Variants in NRG3 observed in about 807,000 individuals in gnomAD.
NRG3 encodes the protein neuregulin 3, also known as pro-neuregulin-3, membrane-bound isoform.
NRG3 carries 31 observed loss-of-function variants against 66.9 expected under a neutral mutation model. That is an observed-to-expected ratio of 0.46 (90% CI 0.35 to 0.63). The LOEUF (loss-of-function observed/expected upper bound fraction) is 0.63, where lower values mean the gene tolerates loss of function less well. Among genes scored for constraint, NRG3 ranks in the 20% least tolerant of loss-of-function variants. The probability of loss-of-function intolerance (pLI) is 0.00; values close to 1 mark genes in which losing one functional copy is unlikely to be tolerated. For synonymous variants in NRG3, 393 were observed against 359.4 expected (o/e 1.09, Z -1.06); for missense variants, 910 against 878.9 (o/e 1.04, Z -0.45).
intron 2 of NRG3, among the ~76,000 whole-genome samples, chr10:82,620,109 T>G (rs2048940067): frequency 6.6e-6 from 1 of 152,118 alleles, no homozygotes; most frequent in African/African-American, 2.4e-5. Flanking sequence ...GGTGCCTAGG[T>G]GGGGGTGCCT....
chr10:81,897,264 G>T (rs1010191747), intron 1 of NRG3, among the ~76,000 whole-genome samples: 28 of 152,078 alleles, frequency 1.8e-4, no homozygotes, highest in Admixed American at 3.3e-4. Flanking sequence ...ACTTGATTTT[G>T]TTGTAATGGA....
chr10:82,936,441 G>A (rs769985825), intron 4 of NRG3, among the ~76,000 whole-genome samples: 2 of 152,258 alleles, frequency 1.3e-5, no homozygotes, highest in Non-Finnish European at 2.9e-5. Context: ...GTTATGAGAG[G>A]CCATAGGGTT....
chr10:82,732,802 C>G (rs1455332958), intron 2 of NRG3, among the ~76,000 whole-genome samples: 2 of 152,196 alleles, frequency 1.3e-5, no homozygotes, highest in South Asian at 4.1e-4. Context: ...ACCACCTTGC[C>G]TCTCAAATGT....
intron 4 of NRG3, among the ~76,000 whole-genome samples, chr10:82,898,491 A>C (rs896615334): frequency 2.0e-5 from 3 of 152,110 alleles, no homozygotes; most frequent in Non-Finnish European, 4.4e-5. Context: ...CTGACTACAC[A>C]AAAGTAGATG....
intron 4 of NRG3, among the ~76,000 whole-genome samples, chr10:82,927,806 G>C (rs548461908): frequency 1.3e-5 from 2 of 152,138 alleles, no homozygotes; most frequent in Non-Finnish European, 2.9e-5. Flanking sequence ...ATAAACATAC[G>C]TGTGCGTGTG....
intron 2 of NRG3, among the ~76,000 whole-genome samples, chr10:82,691,728 T>G (rs989849863): frequency 6.6e-6 from 1 of 152,308 alleles, no homozygotes; most frequent in East Asian, 1.9e-4. Flanking sequence ...GGCATGGTAC[T>G]TGCACTGTCT....
rs113057897 is a variant in NRG3, at chr10:82,449,897, G to C, written c.953+91029G>C. ...CTCACAGTCTGATGGGAGAGAGATAGCAGAAGACTATGGGTGACATGATAC... is the reference window on the plus strand; with the variant it reads ...CTCACAGTCTGATGGGAGAGAGATACCAGAAGACTATGGGTGACATGATAC... On this transcript the variant is annotated intron_variant, in intron 2 of 8. Coordinates refer to ENST00000372141, the MANE Select transcript of NRG3 (RefSeq NM_001010848.4). Among the ~76,000 whole-genome samples the C allele has an allele frequency of 3.2e-3, 487 of 152,278 alleles. 1 individual carries two copies. The highest frequency in any genetic ancestry group is 0.011 in the African/African-American group (463 of 41,546).
At chr10:81,973,140 A>G (rs2059991839) in intron 1 of NRG3, among the ~76,000 whole-genome samples, 2 of 152,018 alleles carry the variant, frequency 1.3e-5, no homozygotes, top group African/African-American at 4.8e-5. Context: ...TAGCTTCCAC[A>G]TATAGGTGAG....
At chr10:82,898,715 CTT>C (rs765058089) in intron 4 of NRG3, among the ~76,000 whole-genome samples, 5 of 89,398 alleles carry the variant, frequency 5.6e-5, no homozygotes, top group Admixed American at 1.4e-4. Flanking sequence ...GGAGTTTTAC[CTT>C]TTTTTTTTTT....
intron 2 of NRG3, among the ~76,000 whole-genome samples, chr10:82,506,258 C>T (rs376723279): frequency 2.0e-3 from 312 of 152,268 alleles, no homozygotes; most frequent in African/African-American, 7.1e-3. Flanking sequence ...AAACAAAGAA[C>T]AACAACAAAA....
At chr10:82,914,729 C>T (rs1451235268) in intron 4 of NRG3, among the ~76,000 whole-genome samples, 2 of 151,114 alleles carry the variant, frequency 1.3e-5, no homozygotes, top group Non-Finnish European at 2.9e-5. Context: ...AGAGGTGGGT[C>T]CTTCACAAGT....
chr10:81,947,946 T>C (rs1848997788), intron 1 of NRG3, among the ~76,000 whole-genome samples: 2 of 152,212 alleles, frequency 1.3e-5, no homozygotes, highest in South Asian at 4.1e-4. Flanking sequence ...TCCCTCTGAG[T>C]GTGTTTCCAT....
chr10:82,033,667 G>T (rs1278212433), intron 1 of NRG3, among the ~76,000 whole-genome samples: 3 of 152,092 alleles, frequency 2.0e-5, no homozygotes, highest in African/African-American at 7.2e-5. Context: ...ATGTATGCTT[G>T]TGTCAAATTT....
At chr10:82,835,337 G>A (rs1288623784) in intron 3 of NRG3, among the ~76,000 whole-genome samples, 4 of 152,132 alleles carry the variant, frequency 2.6e-5, no homozygotes, top group Admixed American at 6.6e-5. Context: ...CACACTCCAC[G>A]ATGAGATTCA....
At chr10:82,916,586 G>A (rs1845848779) in intron 4 of NRG3, among the ~76,000 whole-genome samples, 1 of 151,918 alleles carries the variant, frequency 6.6e-6, no homozygotes, top group South Asian at 2.1e-4. Flanking sequence ...GTAAATAGAT[G>A]CATATTAAGT....
At chr10:82,972,541 C>G (rs1358629990) in intron 6 of NRG3, among the ~76,000 whole-genome samples, 1 of 152,112 alleles carries the variant, frequency 6.6e-6, no homozygotes, top group Non-Finnish European at 1.5e-5. Context: ...CATAAGTCAT[C>G]TTTAGAATCT....
intron 1 of NRG3, among the ~76,000 whole-genome samples, chr10:81,967,681 G>A (rs1366419942): frequency 6.6e-6 from 1 of 151,934 alleles, no homozygotes; most frequent in Non-Finnish European, 1.5e-5. Context: ...CCATTTATGT[G>A]TTTGGAAGCT....
At chr10:82,946,713 C>T (rs1849059485) in intron 4 of NRG3, among the ~76,000 whole-genome samples, 1 of 151,954 alleles carries the variant, frequency 6.6e-6, no homozygotes, top group South Asian at 2.1e-4. Flanking sequence ...CAAATAGGAA[C>T]CTAATAACAC....
At chr10:82,984,965 C>T in intron 8 of NRG3, 133 bp from the exon 9 acceptor site, 1 of 1,286,240 alleles carries the variant, frequency 7.8e-7, no homozygotes, top group Non-Finnish European at 1.1e-6. Context: ...AACTGGGAAC[C>T]TATTATCCGT....
Sources: allele counts gnomAD v4.1 joint callset (sites outside exome capture counted in the v4.1 genomes callset), GRCh38; gene constraint gnomAD v4.1.1; transcripts MANE v1.5; gene names NCBI Gene and HGNC (gene_info 2026-07-23, HGNC 2026-07-21).